GREB1L: variants seen among roughly 807,000 people sequenced by gnomAD.
GREB1L encodes GREB1 like retinoic acid receptor coactivator, also known as GREB1-like protein.
In GREB1L, 17 loss-of-function variants were observed where a neutral mutation model predicts 200.8. The ratio of observed to expected loss-of-function variants is 0.08; its 90% CI spans 0.06 to 0.13. The LOEUF is 0.13. Among genes scored for constraint, GREB1L ranks in the 10% least tolerant of loss-of-function variants. The pLI is 1.00. For synonymous variants in GREB1L, 789 were observed against 893.0 expected (o/e 0.88, Z 2.08); for missense variants, 1,657 against 2,367.7 (o/e 0.70, Z 6.23).
intron 4 of GREB1L, among the ~76,000 whole-genome samples, chr18:21,394,931 T>TA (rs745423470): frequency 0.37 from 30,404 of 82,498 alleles, 6,990 homozygotes; most frequent in African/African-American, 0.68. Flanking sequence ...CCATCTCTAC[T>TA]AAAAAAAAAA....
chr18:21,518,127 C>T lies in GREB1L; in HGVS notation c.5365C>T (p.Leu1789=). 6.4e-7 allele frequency: 1 copy of T among 1,551,696 alleles called. No individual in the cohort carries two copies. ...ACTGGCAGCCCCTGCACAGTTTCTCCTGGAGAAATTCCTTCAGCACGCCTC... is the reference window on the plus strand; with the variant it reads ...ACTGGCAGCCCCTGCACAGTTTCTCTTGGAGAAATTCCTTCAGCACGCCTC... ...TLLAAPAQFL[L]EKFLQHASYK... is the part of the protein sequence containing the mutation. Residue 1789 remains leucine, a synonymous_variant, in exon 31 of 33, where the codon CTG becomes TTG. Coordinates refer to ENST00000424526, the MANE Select transcript of GREB1L (RefSeq NM_001142966.3).
intron 2 of GREB1L, among the ~76,000 whole-genome samples, chr18:21,372,679 C>T (rs11873141): frequency 0.17 from 25,764 of 151,702 alleles, 5,001 homozygotes; most frequent in African/African-American, 0.47. Flanking sequence ...CCCAGCACTT[C>T]GGGAGGCCGA....
intron 9 of GREB1L, 56 bp downstream of exon 9, chr18:21,440,444 T>C: frequency 6.8e-7 from 1 of 1,460,516 alleles, no homozygotes; most frequent in Non-Finnish European, 9.4e-7. Flanking sequence ...CAGAGATATC[T>C]TCTACTTCCA....
At chr18:21,250,978 CAATATT>C (rs1463683583) in intron 1 of GREB1L, among the ~76,000 whole-genome samples, 1 of 152,056 alleles carries the variant, frequency 6.6e-6, no homozygotes, top group Non-Finnish European at 1.5e-5. Flanking sequence ...TATATATAAT[CAATATT>C]AATAATCTTA....
At chr18:21,319,206 C>T (rs867479004) in intron 1 of GREB1L, among the ~76,000 whole-genome samples, 35 of 152,330 alleles carry the variant, frequency 2.3e-4, no homozygotes, top group Middle Eastern at 3.4e-3. Flanking sequence ...CCAAATCTCA[C>T]GCCAACCTCT....
At position 21,500,553 on chromosome 18, in the gene GREB1L, G is replaced by C; in HGVS notation, c.3983G>C (p.Gly1328Ala). Residue 1328 changes from glycine (G) to alanine (A), a missense_variant, in exon 23 of 33, where the codon GGC (glycine) becomes GCC (alanine). By Grantham distance (60) the Gly-to-Ala change is moderately conservative (BLOSUM62 0). Coordinates refer to ENST00000424526, the MANE Select transcript of GREB1L (RefSeq NM_001142966.3). ...LTGPPQVGKT[G>A]SYLQFLRILF... The stretch of plus-strand genomic sequence containing the variant: ...TCTTTCCATTAGGTGGGAAAGACGG[G>C]CTCCTATTTACAGTTCCTCAGGATC... 6.5e-7 allele frequency: 1 copy of C among 1,549,698 alleles called. No individual in the cohort carries two copies. The highest frequency in any genetic ancestry group is 8.7e-7 in the Non-Finnish European group (1 of 1,145,854).
At chr18:21,458,143 G>A (rs555914377) in intron 15 of GREB1L, among the ~76,000 whole-genome samples, 14 of 151,992 alleles carry the variant, frequency 9.2e-5, no homozygotes, top group African/African-American at 2.7e-4. Flanking sequence ...TAATTTTTTT[G>A]TATTTTTAGT....
At chr18:21,446,399 ATCTTT>A (rs974306205) in intron 11 of GREB1L, among the ~76,000 whole-genome samples, 1 of 152,230 alleles carries the variant, frequency 6.6e-6, no homozygotes, top group African/African-American at 2.4e-5. Flanking sequence ...AAAATAAGAT[ATCTTT>A]TCTTAAAGTA....
intron 7 of GREB1L, chr18:21,434,948 T>G (rs1457840639): frequency 1.3e-5 from 2 of 152,648 alleles, no homozygotes; most frequent in African/African-American, 2.4e-5. Context: ...ATTTTAAAGA[T>G]TCGCCGATTC....
intron 1 of GREB1L, among the ~76,000 whole-genome samples, chr18:21,314,362 TCA>T (rs972704769): frequency 1.1e-4 from 16 of 152,268 alleles, no homozygotes; most frequent in African/African-American, 3.4e-4. Flanking sequence ...GTGGAAACTT[TCA>T]CAGTTTCCAC....
intron 1 of GREB1L, among the ~76,000 whole-genome samples, chr18:21,299,190 A>C (rs1386573150): frequency 6.6e-6 from 1 of 151,826 alleles, no homozygotes; most frequent in Non-Finnish European, 1.5e-5. Flanking sequence ...AGGCAGGAGA[A>C]TCACTTGAAC....
intron 31 of GREB1L, among the ~76,000 whole-genome samples, chr18:21,519,019 G>A (rs2037522344): frequency 6.6e-6 from 1 of 151,608 alleles, no homozygotes; most frequent in Non-Finnish European, 1.5e-5. Flanking sequence ...CTCTTTTAAC[G>A]CTAAAGTCAC....
chr18:21,270,305 G>T (rs2038057533), intron 1 of GREB1L, among the ~76,000 whole-genome samples: 1 of 152,196 alleles, frequency 6.6e-6, no homozygotes, highest in African/African-American at 2.4e-5. Context: ...TTAGGGAAGG[G>T]AGTTGCATGA....
chr18:21,404,096 C>A, intron 7 of GREB1L, 102 bp downstream of exon 7: 1 of 1,041,616 alleles, frequency 9.6e-7, no homozygotes. Context: ...AGAGATATTT[C>A]AAAATAAAGG....
chr18:21,357,545 A>C (rs1387723319), intron 1 of GREB1L, among the ~76,000 whole-genome samples: 1 of 152,224 alleles, frequency 6.6e-6, no homozygotes, highest in East Asian at 1.9e-4. Context: ...CATAGTCAAA[A>C]AAATCATTGT....
intron 1 of GREB1L, among the ~76,000 whole-genome samples, chr18:21,343,045 A>G (rs369920605): frequency 6.6e-6 from 1 of 152,180 alleles, no homozygotes; most frequent in South Asian, 2.1e-4. Context: ...TTTAAAAAAC[A>G]AAAACTGTGT....
intron 13 of GREB1L, among the ~76,000 whole-genome samples, chr18:21,451,657 C>A (rs1476165549): frequency 1.3e-5 from 2 of 151,864 alleles, no homozygotes; most frequent in African/African-American, 4.8e-5. Flanking sequence ...CCATGCCTGG[C>A]TAATTTTTTA....
intron 1 of GREB1L, among the ~76,000 whole-genome samples, chr18:21,276,334 A>C (rs897404445): frequency 3.3e-4 from 50 of 152,128 alleles, no homozygotes; most frequent in African/African-American, 1.1e-3. Context: ...TTGCTCTTGC[A>C]CTCAGGTTGT....
intron 1 of GREB1L, among the ~76,000 whole-genome samples, chr18:21,338,568 C>T (rs1214097609): frequency 6.6e-6 from 1 of 152,234 alleles, no homozygotes; most frequent in East Asian, 1.9e-4. Context: ...CTTTCAGAGC[C>T]TATCTCTGGG....
Sources: gnomAD v4.1 joint callset for allele counts (sites outside exome capture counted in the v4.1 genomes callset) on GRCh38, gnomAD v4.1.1 for gene constraint, MANE v1.5 for transcripts, NCBI Gene and HGNC (gene_info 2026-07-23, HGNC 2026-07-21) for gene names.